SPDL1: variants seen among roughly 807,000 people sequenced by gnomAD.
SPDL1 encodes protein Spindly.
A neutral mutation model predicts 79.5 loss-of-function variants in SPDL1; 85 were observed. That is an observed-to-expected ratio of 1.07 (90% CI 0.90 to 1.28). The LOEUF (loss-of-function observed/expected upper bound fraction) is 1.28, where lower values mean the gene tolerates loss of function less well. Among genes scored for constraint, SPDL1 ranks in the 50% most tolerant of loss-of-function variants. SPDL1 has a pLI of 0.00. For synonymous variants in SPDL1, 269 were observed against 240.3 expected, an observed-to-expected ratio of 1.12 and a Z score of -1.10; for missense variants, 703 against 697.8, an observed-to-expected ratio of 1.01 and a Z score of -0.08.
intron 10 of SPDL1, among the ~76,000 whole-genome samples, chr5:169,600,166 TC>T (rs1468889289): frequency 6.6e-6 from 1 of 152,168 alleles, no homozygotes; most frequent in African/African-American, 2.4e-5. Context: ...CAAGTTTTTG[TC>T]CCCGCACTCT....
intron 10 of SPDL1, 131 bp from the exon 11 acceptor site, chr5:169,601,149 T>C (rs1403019347): frequency 2.8e-6 from 2 of 708,226 alleles, no homozygotes; most frequent in Non-Finnish European, 4.7e-6. Flanking sequence ...AAAGGATGCA[T>C]TTCAGTGAGG....
Position 169,601,287 on chromosome 5 carries a change from T to G in SPDL1, c.1332T>G (p.Val444=). 6.2e-7 allele frequency: 1 copy of G among 1,602,898 alleles called. No individual in the cohort carries two copies. Residue 444 remains valine (V), a synonymous_variant, in exon 11 of 12, where the codon GTT becomes GTG. Coordinates refer to ENST00000265295, the MANE Select transcript of SPDL1 (RefSeq NM_017785.5). ...ACTCGTTTTTATTCTCAGAGACAGT[T>G]GAAGTGCCTGTACTGAAAAAGAGGC... ...LKLKYEPEET[V]EVPVLKKRRE...
At chr5:169,591,760 G>A (rs947274810) in intron 3 of SPDL1, among the ~76,000 whole-genome samples, 4 of 152,154 alleles carry the variant, frequency 2.6e-5, no homozygotes, top group African/African-American at 9.7e-5. Flanking sequence ...TGAGTAAATT[G>A]GACACAATTC....
intron 9 of SPDL1, among the ~76,000 whole-genome samples, 155 bp from the exon 10 acceptor site, chr5:169,598,817 G>A (rs1043776460): frequency 7.9e-5 from 12 of 152,082 alleles, no homozygotes; most frequent in African/African-American, 2.9e-4. Context: ...CTATTGTTAA[G>A]GATTATTTAA....
At position 169,598,496 on chromosome 5, in the gene SPDL1, ATCTAAGCC is replaced by A. The variant is rs1241555078; in HGVS notation, c.1055_1062del (p.Ser352PhefsTer10). The A allele has an allele frequency of 1.9e-6, 3 of 1,612,284 alleles. No individual in the cohort carries two copies. The Admixed American group carries it at 5.0e-5, about 27-fold the overall frequency. On this transcript the variant is annotated frameshift_variant, in exon 9 of 12. Transcript: ENST00000265295. LOFTEE classifies it high-confidence loss of function. ...TTAAGAATTTATATGACAGTATGGAATCTAAGCCTTCAGTCGACTCTGGTACTCTGGAA... is the reference window on the plus strand; with the variant it reads ...TTAAGAATTTATATGACAGTATGGAATTCAGTCGACTCTGGTACTCTGGAA...
At chr5:169,583,937 G>C (rs1374963566) in intron 1 of SPDL1, 48 bp downstream of exon 1, 2 of 152,500 alleles carry the variant, frequency 1.3e-5, no homozygotes, top group Non-Finnish European at 2.9e-5. Context: ...AGCGGCAGTG[G>C]GGAGAGTCGA....
rs771253552 is a variant in SPDL1 at position 169,601,634 on chromosome 5, C to A, written c.1670+9C>A. 1 of 1,612,272 alleles carries A rather than the reference C, an allele frequency of 6.2e-7. No homozygotes were observed. The highest frequency in any genetic ancestry group is 8.5e-7 in the Non-Finnish European group (1 of 1,178,828). On this transcript the variant is annotated intron_variant, in intron 11 of 11. Transcript: ENST00000265295. ...ACCCCTAACTCTCCCAGGTCAGTGT[C>A]CTCTTTTCCTCCAGGCAGCCAGCAG...
chr5:169,589,786 C>G (rs565695240), intron 2 of SPDL1, among the ~76,000 whole-genome samples: 2 of 151,954 alleles, frequency 1.3e-5, no homozygotes, highest in Non-Finnish European at 2.9e-5. Context: ...ACTGCATCCT[C>G]CACCTCCTGG....
rs765016800 is a variant in SPDL1, at chr5:169,596,702, G to T, written c.1032+1G>T. The stretch of plus-strand genomic sequence containing the variant: ...AATTAGAAATCTGGAGAAATTTAAG[G>T]TATGTATAACAGTTAAAAAAACACA... On this transcript the variant is annotated splice_donor_variant, in intron 8 of 11. Transcript: ENST00000265295. LOFTEE classifies it high-confidence loss of function. 29 of 1,593,098 alleles carry T rather than the reference G, an allele frequency of 1.8e-5. No homozygotes were observed. The highest frequency in any genetic ancestry group is 2.4e-5 in the Non-Finnish European group (28 of 1,173,972).
chr5:169,597,053 T>A (rs1048929300), intron 8 of SPDL1, among the ~76,000 whole-genome samples: 1 of 152,206 alleles, frequency 6.6e-6, no homozygotes, highest in Non-Finnish European at 1.5e-5. Flanking sequence ...CATTGCTTGC[T>A]TTATTTACTC....
chr5:169,596,846 T>C, intron 8 of SPDL1, 145 bp downstream of exon 8: 1 of 626,462 alleles, frequency 1.6e-6, no homozygotes, highest in African/African-American at 1.9e-5. Flanking sequence ...TCCTTATACT[T>C]AAACATCCAT....
chr5:169,588,338 T>G, intron 1 of SPDL1, 56 bp from the exon 2 acceptor site: 1 of 1,210,338 alleles, frequency 8.3e-7, no homozygotes, highest in Non-Finnish European at 1.2e-6. Context: ...GTTATTGATA[T>G]TATTGCATGG....
In SPDL1 at chr5:169,598,549, A is replaced by T. The variant is rs138659669; in HGVS notation, c.1106A>T (p.Asp369Val). The T allele has an allele frequency of 5.6e-6, 9 of 1,612,500 alleles. No homozygotes were observed. In the African/African-American group the frequency reaches 6.7e-5, roughly 12 times the overall value. The change falls in exon 9 of 12, where the codon GAT becomes GTT. Residue 369 changes from aspartate to valine, a missense_variant. Physicochemically the swap from Asp to Val is radical, Grantham distance 152. Coordinates refer to ENST00000265295, the MANE Select transcript of SPDL1 (RefSeq NM_017785.5). Reference sequence around the variant, plus strand: ...CTGGAAGATAACACCTATTATACAGATTTACTTCAGATGAAGCTGGATAAC... The same window carrying T: ...CTGGAAGATAACACCTATTATACAGTTTTACTTCAGATGAAGCTGGATAAC... ...GTLEDNTYYT[D>V]LLQMKLDNLN...
chr5:169,601,584 G>A lies in SPDL1; in HGVS notation c.1629G>A (p.Glu543=). 6.2e-7 allele frequency: 1 copy of A among 1,614,150 alleles called. No individual in the cohort carries two copies. Among genetic ancestry groups the A allele is most frequent in the Non-Finnish European group, 8.5e-7 (1 of 1,180,040 alleles). Residue 543 remains glutamate, a synonymous_variant, in exon 11 of 12, where the codon GAG becomes GAA. Transcript: ENST00000265295. ...VKLIGVPADA[E]ALSERSGNTP... is the part of the protein sequence containing the mutation. ...TCATAGGAGTTCCCGCTGACGCTGA[G>A]GCCTTAAGTGAAAGAAGTGGAAACA...
intron 11 of SPDL1, 115 bp downstream of exon 11, chr5:169,601,740 A>G: frequency 1.0e-6 from 1 of 992,576 alleles, no homozygotes; most frequent in East Asian, 2.6e-5. Context: ...CATGCAGTAT[A>G]ATTCCTCAGT....
Position 169,594,747 on chromosome 5 carries a change from C to T in SPDL1, c.891+66C>T, listed in dbSNP as rs1180277518. Reference sequence around the variant, plus strand: ...TGTGTCAGCATTACATGTATGAATACATCAAAGAAACTAGCTTTTTCTGCA... The same window carrying T: ...TGTGTCAGCATTACATGTATGAATATATCAAAGAAACTAGCTTTTTCTGCA... On this transcript the variant is annotated intron_variant, in intron 7 of 11. Coordinates refer to ENST00000265295, the MANE Select transcript of SPDL1 (RefSeq NM_017785.5). 4 of 1,032,400 alleles carry T rather than the reference C, an allele frequency of 3.9e-6. No individual in the cohort carries two copies. The Admixed American group carries it at 8.6e-5, about 22-fold the overall frequency. The allele number at this position is 1,032,400 out of a possible 1,614,324, so 64.0% of individuals were successfully genotyped here. A position where few individuals can be genotyped will look rare whatever the true frequency, so the allele number is the denominator to read the frequency against.
chr5:169,590,112 A>G (rs1231847665), intron 2 of SPDL1, among the ~76,000 whole-genome samples: 1 of 152,236 alleles, frequency 6.6e-6, no homozygotes, highest in East Asian at 1.9e-4. Context: ...TTATTTCTTA[A>G]AAGAATGAAT....
chr5:169,586,952 C>G (rs181982093), intron 1 of SPDL1, among the ~76,000 whole-genome samples: 2 of 152,128 alleles, frequency 1.3e-5, no homozygotes, highest in Non-Finnish European at 2.9e-5. Context: ...CCTGATTTGC[C>G]CACTCTCTAC....
At position 169,601,491 on chromosome 5, in the gene SPDL1, C is replaced by T; in HGVS notation, c.1536C>T (p.Val512=). ...CAGTTTCTATATACACACCAGTAGT[C>T]AGTCTCTCTCCTCACAAAAATCTGC... ...EKSVSIYTPV[V]SLSPHKNLPV... is the part of the protein sequence containing the mutation. The change falls in exon 11 of 12, where the codon GTC becomes GTT. Residue 512 remains valine (V), a synonymous_variant. Transcript: ENST00000265295. The T allele has an allele frequency of 1.2e-6, 2 of 1,614,152 alleles. No homozygotes were observed. The highest frequency in any genetic ancestry group is 1.7e-6 in the Non-Finnish European group (2 of 1,180,020).
Sources: allele counts gnomAD v4.1 joint callset (sites outside exome capture counted in the v4.1 genomes callset), GRCh38; gene constraint gnomAD v4.1.1; transcripts MANE v1.5; gene names NCBI Gene and HGNC (gene_info 2026-07-23, HGNC 2026-07-21).